ACACA: variants seen among roughly 807,000 people sequenced by gnomAD.
The protein encoded by ACACA is acetyl-CoA carboxylase alpha.
In ACACA, 103 loss-of-function variants were observed where a neutral mutation model predicts 296.1. That is an observed-to-expected ratio of 0.35 (90% CI 0.30 to 0.41). The LOEUF is 0.41. Among genes scored for constraint, ACACA ranks in the 10% least tolerant of loss-of-function variants. ACACA has a pLI of 1.00. For missense variants in ACACA, 1,554 were observed against 2,989.7 expected (o/e 0.52, Z 11.20); for synonymous variants, 953 against 1,038.6 (o/e 0.92, Z 1.58).
intron 40 of ACACA, 35 bp downstream of exon 40, chr17:37,181,166 T>C (rs1182856215): frequency 1.2e-6 from 2 of 1,613,070 alleles, no homozygotes; most frequent in Admixed American, 1.7e-5. Flanking sequence ...CTTGCCTCCT[T>C]AGAACATGTC....
intron 29 of ACACA, 94 bp from the exon 30 acceptor site, chr17:37,210,584 T>TG: frequency 1.6e-6 from 2 of 1,222,994 alleles, no homozygotes; most frequent in Non-Finnish European, 2.4e-6. Flanking sequence ...CATGAGGAGC[T>TG]CCAGTTTGGC....
intron 47 of ACACA, 111 bp from the exon 48 acceptor site, chr17:37,125,905 G>T: frequency 1.1e-6 from 1 of 914,116 alleles, no homozygotes; most frequent in Non-Finnish European, 1.8e-6. Context: ...GGAGTTTGTT[G>T]TTTTTAACCA....
chr17:37,356,067 G>T (rs979630225), intron 1 of ACACA, among the ~76,000 whole-genome samples: 2 of 151,346 alleles, frequency 1.3e-5, no homozygotes, highest in African/African-American at 4.9e-5. Context: ...GCTACTCAGG[G>T]GGGTGAGGCA....
intron 1 of ACACA, among the ~76,000 whole-genome samples, chr17:37,399,886 A>T (rs1180182598): frequency 6.6e-6 from 1 of 152,074 alleles, no homozygotes; most frequent in Non-Finnish European, 1.5e-5. Context: ...TATTTTATTT[A>T]ATTTACTTAT....
intron 1 of ACACA, chr17:37,379,193 C>T (rs760555883): frequency 1.2e-6 from 2 of 1,614,006 alleles, no homozygotes; most frequent in South Asian, 1.1e-5. Context: ...TATAGCTACC[C>T]TGCAGTGCCT....
At chr17:37,378,994 C>A in intron 1 of ACACA, 3 of 1,003,182 alleles carry the variant, frequency 3.0e-6, no homozygotes, top group Non-Finnish European at 4.3e-6. Flanking sequence ...GCTTGGAGAT[C>A]GAGGGAGTTT....
At chr17:37,390,330 A>ATATATATATATATCTATATCTATATC (rs1386032855) in intron 1 of ACACA, among the ~76,000 whole-genome samples, 21 of 41,580 alleles carry the variant, frequency 5.1e-4, no homozygotes, top group African/African-American at 2.7e-3. Flanking sequence ...ATATATATAT[A>ATATATATATATATCTATATCTATATC]TATAAAAGGC....
intron 1 of ACACA, chr17:37,388,006 A>T (rs1192173719): frequency 1.3e-5 from 2 of 152,192 alleles, no homozygotes; most frequent in Non-Finnish European, 2.9e-5. Flanking sequence ...GTATAAAAAA[A>T]TTTTAAAAAT....
In ACACA at chr17:37,355,719, G is replaced by A. The variant is rs373200621; in HGVS notation, c.39-15869C>T. On this transcript the variant is annotated intron_variant, in intron 1 of 55. Coordinates refer to ENST00000616317, the MANE Select transcript of ACACA (RefSeq NM_198834.3). The stretch of plus-strand genomic sequence containing the variant: ...AAAAATACAAAAAAATTAGCCAGGC[G>A]TGGTGGCACATGCCTGTAATCCCAG... 5.3e-4 allele frequency among the ~76,000 whole-genome samples: 81 copies of A among 151,566 alleles called. 1 individual carries two copies. The East Asian group carries it at 8.8e-3, about 16-fold the overall frequency.
At chr17:37,192,411 G>T in intron 36 of ACACA, 106 bp from the exon 37 acceptor site, 1 of 1,110,146 alleles carries the variant, frequency 9.0e-7, no homozygotes, top group South Asian at 1.3e-5. Context: ...CATAAGCTAT[G>T]ATGTGCTAAT....
intron 1 of ACACA, chr17:37,375,997 C>A: frequency 1.9e-6 from 2 of 1,063,124 alleles, no homozygotes; most frequent in Non-Finnish European, 1.4e-6. Context: ...AACTTGGTTC[C>A]AGCTGCGTGT....
chr17:37,200,409 C>A lies in ACACA; in HGVS notation c.4113+18G>T, dbSNP rs757723204. 8 of 1,593,148 alleles carry A rather than the reference C, an allele frequency of 5.0e-6. No individual in the cohort carries two copies. Among genetic ancestry groups the A allele is most frequent in the Non-Finnish European group, 4.3e-6 (5 of 1,160,866 alleles). ...CAGCATAAGAAATATTAAAGAGGTA[C>A]AATTCACATGTCAGTACCTTTTGTG... is the stretch of plus-strand genomic sequence containing the variant. On this transcript the variant is annotated intron_variant, in intron 34 of 55. Transcript: ENST00000616317.
At position 37,097,402 on chromosome 17, in the gene ACACA, A is replaced by T. The variant is rs1164231883; in HGVS notation, c.6721-236T>A. Among the ~76,000 whole-genome samples, 1 of 152,170 alleles carries T rather than the reference A, an allele frequency of 6.6e-6. No individual in the cohort carries two copies. Among genetic ancestry groups the T allele is most frequent in the Non-Finnish European group, 1.5e-5 (1 of 68,034 alleles). ...GGCCTGGCTAATGCTGATCCCACAC[A>T]TGGCTGAGATGTTCTGGGGAAGAGG... On this transcript the variant is annotated intron_variant, in intron 53 of 55. Transcript: ENST00000616317. This position sits in a 1 kb window ranked among gnomAD's most constrained non-coding sequence, Gnocchi z 4.8.
intron 11 of ACACA, among the ~76,000 whole-genome samples, chr17:37,260,296 A>ATATAT (rs2081443114): frequency 5.3e-5 from 1 of 18,976 alleles, no homozygotes; most frequent in Non-Finnish European, 9.2e-5. Context: ...ATATATATAT[A>ATATAT]TTTTTTTTTT....
At chr17:37,157,602 C>T (rs1470561514) in intron 42 of ACACA, among the ~76,000 whole-genome samples, 1 of 126,808 alleles carries the variant, frequency 7.9e-6, no homozygotes. Flanking sequence ...GTGGTGCGAT[C>T]TTGACTCACT....
intron 23 of ACACA, among the ~76,000 whole-genome samples, chr17:37,241,231 G>A (rs2080386317): frequency 6.6e-6 from 1 of 150,882 alleles, no homozygotes; most frequent in Non-Finnish European, 1.5e-5. Context: ...AAATAAATAT[G>A]CTCTGTGAAT....
intron 45 of ACACA, among the ~76,000 whole-genome samples, chr17:37,133,022 C>T (rs565073426): frequency 1.3e-5 from 2 of 152,270 alleles, no homozygotes; most frequent in East Asian, 3.9e-4. Flanking sequence ...TTAGAAGAAA[C>T]CTAACCAGGG....
rs557827468 is a variant in ACACA at position 37,087,494 on chromosome 17, A to G, written c.7029-55T>C. The G allele has an allele frequency of 7.0e-5, 112 of 1,608,930 alleles. No individual in the cohort carries two copies. The South Asian group carries it at 1.0e-3, about 15-fold the overall frequency. On this transcript the variant is annotated intron_variant, in intron 55 of 55. Transcript: ENST00000616317. Reference sequence around the variant, plus strand: ...AAAGAGAAGCAGAAGTGTCTAGATGAGGACAGCTAAAGAACTGCCCAATAA... The same window carrying G: ...AAAGAGAAGCAGAAGTGTCTAGATGGGGACAGCTAAAGAACTGCCCAATAA...
At chr17:37,258,649 T>C (rs976807293) in intron 12 of ACACA, among the ~76,000 whole-genome samples, 1 of 152,098 alleles carries the variant, frequency 6.6e-6, no homozygotes, top group African/African-American at 2.4e-5. Flanking sequence ...CATCACGTAA[T>C]AAGAATGAAA....
Sources: allele counts gnomAD v4.1 joint callset (sites outside exome capture counted in the v4.1 genomes callset), GRCh38; gene constraint gnomAD v4.1.1; non-coding constraint Gnocchi (gnomAD v3.1); transcripts MANE v1.5; gene names NCBI Gene and HGNC (gene_info 2026-07-23, HGNC 2026-07-21).